ARHGAP26: variants seen among roughly 807,000 people sequenced by gnomAD.
ARHGAP26 encodes Rho GTPase activating protein 26.
ARHGAP26 carries 38 observed loss-of-function variants against 104.8 expected under a neutral mutation model. The observed-to-expected ratio is 0.36, with a 90% CI of 0.28 to 0.48. The LOEUF (loss-of-function observed/expected upper bound fraction) is 0.48, where lower values mean the gene tolerates loss of function less well. Among genes scored for constraint, ARHGAP26 ranks in the 20% least tolerant of loss-of-function variants. ARHGAP26 has a pLI of 0.99. For missense variants in ARHGAP26, 704 were observed against 947.9 expected, an observed-to-expected ratio of 0.74 and a Z score of 3.38; for synonymous variants, 341 against 340.0, an observed-to-expected ratio of 1.00 and a Z score of -0.03.
intron 20 of ARHGAP26, among the ~76,000 whole-genome samples, chr5:143,178,699 A>C (rs1326769813): frequency 6.6e-6 from 1 of 152,158 alleles, no homozygotes; most frequent in South Asian, 2.1e-4. Flanking sequence ...TGAGAGCTTC[A>C]CATTTCCTCA....
chr5:143,036,888 C>A (rs1298505767), intron 12 of ARHGAP26, among the ~76,000 whole-genome samples: 1 of 152,210 alleles, frequency 6.6e-6, no homozygotes, highest in Non-Finnish European at 1.5e-5. Flanking sequence ...GTACCTGTCA[C>A]CTTATGCTGC....
Position 143,151,677 on chromosome 5 carries a change from G to A in ARHGAP26, c.1988+4296G>A, listed in dbSNP as rs188482685. ...GCTGAGTAAAAGAAGTCAGTCTGGC[G>A]GGGTGCAGTGGCTCACACCTGTAAT... is the stretch of plus-strand genomic sequence containing the variant. On this transcript the variant is annotated intron_variant, in intron 20 of 22. Transcript: ENST00000645722. Among the ~76,000 whole-genome samples the A allele has an allele frequency of 3.1e-4, 47 of 152,258 alleles. No individual in the cohort carries two copies. In the East Asian group the frequency reaches 7.5e-3, roughly 24 times the overall value.
intron 1 of ARHGAP26, among the ~76,000 whole-genome samples, chr5:142,816,401 G>A (rs1197184830): frequency 6.6e-6 from 1 of 152,200 alleles, no homozygotes; most frequent in Non-Finnish European, 1.5e-5. Context: ...TTCCCCTAAG[G>A]AGCATCTGGT....
At chr5:142,990,303 A>T (rs536231920) in intron 11 of ARHGAP26, among the ~76,000 whole-genome samples, 40 of 152,258 alleles carry the variant, frequency 2.6e-4, no homozygotes, top group African/African-American at 9.6e-4. Flanking sequence ...TTTCAGCTCC[A>T]TCCGGTCATT....
chr5:142,891,571 G>T (rs1205294181), intron 5 of ARHGAP26, among the ~76,000 whole-genome samples: 1 of 151,196 alleles, frequency 6.6e-6, no homozygotes, highest in Non-Finnish European at 1.5e-5. Context: ...TTTTTCTCAT[G>T]ATGGTGGAAT....
At chr5:143,201,222 T>C (rs538237076) in intron 20 of ARHGAP26, among the ~76,000 whole-genome samples, 2 of 152,288 alleles carry the variant, frequency 1.3e-5, no homozygotes, top group African/African-American at 4.8e-5. Flanking sequence ...GTTGTTGCTG[T>C]CATTGGGCCT....
At chr5:142,939,500 G>A (rs997262922) in intron 11 of ARHGAP26, among the ~76,000 whole-genome samples, 2 of 152,198 alleles carry the variant, frequency 1.3e-5, no homozygotes, top group African/African-American at 4.8e-5. Flanking sequence ...CCGTGCCCGA[G>A]CTCTAACCCC....
chr5:142,951,197 T>G (rs917992743), intron 11 of ARHGAP26, among the ~76,000 whole-genome samples: 2 of 152,104 alleles, frequency 1.3e-5, no homozygotes, highest in African/African-American at 4.8e-5. Flanking sequence ...GCAGCTGAGA[T>G]TACAGGCATG....
intron 1 of ARHGAP26, among the ~76,000 whole-genome samples, chr5:142,857,170 C>T (rs58042104): frequency 8.5e-5 from 13 of 152,086 alleles, no homozygotes; most frequent in Admixed American, 7.2e-4. Flanking sequence ...ATTTAGGACC[C>T]GTCCTAGTCC....
In ARHGAP26 at chr5:142,776,825, TA is replaced by T. The variant is rs544162902; in HGVS notation, c.154+5917del. On this transcript the variant is annotated intron_variant, in intron 1 of 22. Transcript: ENST00000645722. ...AGTTTAATTTAAACTTGTGTTTATTTAAAAAAACCTACCATACTGTTTTCCA... is the reference window on the plus strand; with the variant it reads ...AGTTTAATTTAAACTTGTGTTTATTTAAAAAACCTACCATACTGTTTTCCA... 3.9e-5 allele frequency among the ~76,000 whole-genome samples: 6 copies of T among 152,324 alleles called. No individual in the cohort carries two copies. In the East Asian group the frequency reaches 1.2e-3, roughly 29 times the overall value.
chr5:142,900,316 C>A (rs575674963), intron 6 of ARHGAP26, among the ~76,000 whole-genome samples: 1 of 149,820 alleles, frequency 6.7e-6, no homozygotes, highest in Non-Finnish European at 1.5e-5. Flanking sequence ...ATGGGGCTTA[C>A]CACTCATTCA....
chr5:142,932,415 T>A lies in ARHGAP26; in HGVS notation c.1107+290T>A, dbSNP rs544745233. Among the ~76,000 whole-genome samples, 2 of 152,342 alleles carry A rather than the reference T, an allele frequency of 1.3e-5. 1 individual carries two copies. The highest frequency in any genetic ancestry group is 3.9e-4 in the East Asian group (2 of 5,182). On this transcript the variant is annotated intron_variant, in intron 11 of 22. Transcript: ENST00000645722. ...TCTGGTTCAGCCTCCCGTAGTAACT[T>A]ACCTCCCCTTATAAGCAGCGGGACA...
intron 1 of ARHGAP26, among the ~76,000 whole-genome samples, chr5:142,807,574 C>T (rs1384192729): frequency 6.6e-6 from 1 of 152,208 alleles, no homozygotes; most frequent in African/African-American, 2.4e-5. Context: ...TTTATTGCTG[C>T]CCCTCTGTCT....
chr5:142,790,187 A>T (rs1057252634), intron 1 of ARHGAP26, among the ~76,000 whole-genome samples: 1 of 152,212 alleles, frequency 6.6e-6, no homozygotes, highest in African/African-American at 2.4e-5. Flanking sequence ...AAGTACCATG[A>T]TGGAAATGAG....
Position 143,032,980 on chromosome 5 carries a change from G to A in ARHGAP26, c.1145-4216G>A, listed in dbSNP as rs559276962. On this transcript the variant is annotated intron_variant, in intron 12 of 22. Transcript: ENST00000645722. Reference sequence around the variant, plus strand: ...ACCTGTATTTCTTGAATTCCTTGTTGGAGAAACAGTTGTTTGAAAGAGATT... The same window carrying A: ...ACCTGTATTTCTTGAATTCCTTGTTAGAGAAACAGTTGTTTGAAAGAGATT... Among the ~76,000 whole-genome samples the A allele has an allele frequency of 9.2e-5, 14 of 152,246 alleles. No individual in the cohort carries two copies. The South Asian group carries it at 2.9e-3, about 32-fold the overall frequency.
chr5:142,862,402 A>G (rs866680747), intron 1 of ARHGAP26, among the ~76,000 whole-genome samples: 43 of 152,352 alleles, frequency 2.8e-4, no homozygotes, highest in Middle Eastern at 3.4e-3. Context: ...CTGGAAATGT[A>G]TTATCAGCCC....
At chr5:142,966,406 G>A (rs1467837273) in intron 11 of ARHGAP26, among the ~76,000 whole-genome samples, 1 of 152,116 alleles carries the variant, frequency 6.6e-6, no homozygotes, top group Non-Finnish European at 1.5e-5. Context: ...CTGTTGGCCT[G>A]TGAAGTGCAA....
intron 17 of ARHGAP26, among the ~76,000 whole-genome samples, chr5:143,119,892 TA>T (rs796735888): frequency 0.086 from 12,446 of 144,250 alleles, 1,569 homozygotes; most frequent in African/African-American, 0.28. Flanking sequence ...TTTTCTTCCT[TA>T]AAAAAAAAAA....
intron 19 of ARHGAP26, among the ~76,000 whole-genome samples, chr5:143,139,436 A>G (rs953033655): frequency 6.6e-6 from 1 of 152,174 alleles, no homozygotes; most frequent in South Asian, 2.1e-4. Flanking sequence ...GTTATCTCCA[A>G]AAGGGTACCT....
Sources: gnomAD v4.1 joint callset for allele counts (sites outside exome capture counted in the v4.1 genomes callset) on GRCh38, gnomAD v4.1.1 for gene constraint, MANE v1.5 for transcripts, NCBI Gene and HGNC (gene_info 2026-07-23, HGNC 2026-07-21) for gene names.